IKZF1: variants seen among roughly 807,000 people sequenced by gnomAD.
IKZF1 encodes the protein IKAROS family zinc finger 1, also known as DNA-binding protein Ikaros.
IKZF1 carries 10 observed loss-of-function variants against 51.7 expected under a neutral mutation model. The observed-to-expected ratio is 0.19, with a 90% CI of 0.12 to 0.33. IKZF1 has a LOEUF of 0.33. Among genes scored for constraint, IKZF1 ranks in the 10% least tolerant of loss-of-function variants. IKZF1 has a pLI of 1.00. For missense variants in IKZF1, 484 were observed against 707.5 expected, an observed-to-expected ratio of 0.68 and a Z score of 3.58; for synonymous variants, 280 against 282.3, an observed-to-expected ratio of 0.99 and a Z score of 0.08.
chr7:50,351,126 A>G (rs916380389), intron 3 of IKZF1, among the ~76,000 whole-genome samples: 3 of 152,194 alleles, frequency 2.0e-5, no homozygotes, highest in Non-Finnish European at 4.4e-5. Context: ...AACATTTACC[A>G]CATCTCAATT....
intron 3 of IKZF1, among the ~76,000 whole-genome samples, chr7:50,330,634 G>A (rs1490127054): frequency 1.3e-5 from 2 of 152,174 alleles, no homozygotes; most frequent in Non-Finnish European, 2.9e-5. Context: ...TGTGGTGACA[G>A]GCTGTTCATT....
At chr7:50,306,836 G>A (rs1195417589) in intron 1 of IKZF1, among the ~76,000 whole-genome samples, 4 of 152,156 alleles carry the variant, frequency 2.6e-5, no homozygotes, top group South Asian at 2.1e-4. Context: ...TGTTTCATGC[G>A]TGGTTAATAT....
chr7:50,387,453 C>G lies in IKZF1; in HGVS notation c.698C>G (p.Pro233Arg). Residue 233 changes from proline (P) to arginine (R), a missense_variant, in exon 6 of 8, where the codon CCG becomes CGG. By Grantham distance (103) the Pro-to-Arg change is moderately radical. Around this residue, in one of 6 missense-constraint regions of IKZF1, gnomAD observed 172 missense variants for 192.7 expected, o/e 0.89. Transcript: ENST00000331340. ...CHNYLESMGL[P>R]GTLYPVIKEE... ...AACTACTTGGAAAGCATGGGCCTTCCGGGCACACTGTACCCAGGTAAGCGC... is the reference window on the plus strand; with the variant it reads ...AACTACTTGGAAAGCATGGGCCTTCGGGGCACACTGTACCCAGGTAAGCGC... 6.2e-7 allele frequency: 1 copy of G among 1,611,140 alleles called. No homozygotes were observed. The highest frequency in any genetic ancestry group is 1.1e-5 in the South Asian group (1 of 90,546).
chr7:50,348,569 G>A (rs553209679), intron 3 of IKZF1, among the ~76,000 whole-genome samples: 2 of 152,164 alleles, frequency 1.3e-5, no homozygotes, highest in Non-Finnish European at 2.9e-5. Context: ...ATCCACAGCC[G>A]CAGCAGAGGC....
chr7:50,376,022 C>G lies in IKZF1; in HGVS notation c.161-511C>G, dbSNP rs143243161. On this transcript the variant is annotated intron_variant, in intron 3 of 7. Coordinates refer to ENST00000331340, the MANE Select transcript of IKZF1 (RefSeq NM_006060.6). This position sits in a 1 kb window ranked among gnomAD's most constrained non-coding sequence, Gnocchi z 4.5. ...AAAGTTTATTAATGTTTACATGCCA[C>G]AAGGAAAGGTAGCATCACAATAAGA... Among the ~76,000 whole-genome samples the G allele has an allele frequency of 9.8e-5, 15 of 152,290 alleles. No individual in the cohort carries two copies. The highest frequency in any genetic ancestry group is 3.4e-4 in the African/African-American group (14 of 41,562).
At chr7:50,367,004 A>G (rs1371544612) in intron 3 of IKZF1, among the ~76,000 whole-genome samples, 4 of 152,196 alleles carry the variant, frequency 2.6e-5, no homozygotes, top group Non-Finnish European at 5.9e-5. Flanking sequence ...ATTTGCTAGG[A>G]AATAATTCAG....
At chr7:50,342,180 A>G (rs943098400) in intron 3 of IKZF1, among the ~76,000 whole-genome samples, 2 of 152,232 alleles carry the variant, frequency 1.3e-5, no homozygotes, top group Non-Finnish European at 2.9e-5. Flanking sequence ...GTCCAGTCCA[A>G]TTTTAACATC....
At chr7:50,362,608 T>G (rs1367993637) in intron 3 of IKZF1, among the ~76,000 whole-genome samples, 2 of 152,228 alleles carry the variant, frequency 1.3e-5, no homozygotes, top group Non-Finnish European at 2.9e-5. Context: ...TTTTTTGTTT[T>G]AAAGCATTTT....
At chr7:50,307,766 C>T (rs1011421207) in intron 1 of IKZF1, among the ~76,000 whole-genome samples, 1 of 152,066 alleles carries the variant, frequency 6.6e-6, no homozygotes, top group East Asian at 1.9e-4. Flanking sequence ...GTCTTAGAAA[C>T]GTAGAGTTTC....
At chr7:50,349,744 C>T (rs1015967716) in intron 3 of IKZF1, among the ~76,000 whole-genome samples, 7 of 152,100 alleles carry the variant, frequency 4.6e-5, no homozygotes, top group Admixed American at 1.3e-4. Flanking sequence ...TAGCTGGAAC[C>T]ATTTATTCTA....
intron 3 of IKZF1, among the ~76,000 whole-genome samples, chr7:50,365,619 A>G (rs1220305975): frequency 6.6e-6 from 1 of 152,246 alleles, no homozygotes; most frequent in African/African-American, 2.4e-5. Context: ...TTATTAATAA[A>G]AAGTCAAAGA....
chr7:50,324,948 AGG>A (rs955103919), intron 2 of IKZF1, among the ~76,000 whole-genome samples: 1 of 152,132 alleles, frequency 6.6e-6, no homozygotes, highest in Admixed American at 6.5e-5. Context: ...GAAAAGCTAT[AGG>A]AGGAAAAGAG....
chr7:50,345,140 G>C (rs1422355054), intron 3 of IKZF1, among the ~76,000 whole-genome samples: 1 of 151,668 alleles, frequency 6.6e-6, no homozygotes, highest in Non-Finnish European at 1.5e-5. Context: ...CAGCCCATAG[G>C]GTATAAATAA....
intron 1 of IKZF1, among the ~76,000 whole-genome samples, chr7:50,308,191 A>G (rs189087893): frequency 2.0e-5 from 3 of 152,348 alleles, no homozygotes; most frequent in Admixed American, 2.0e-4. Context: ...AAGCAAAAGA[A>G]GGTTTGCAGA....
Position 50,319,072 on chromosome 7 carries a change from A to T in IKZF1, c.11A>T (p.Asp4Val). The T allele has an allele frequency of 5.0e-6, 8 of 1,613,600 alleles. No individual in the cohort carries two copies. The highest frequency in any genetic ancestry group is 6.8e-6 in the Non-Finnish European group (8 of 1,179,532). The part of the protein sequence containing the change: MDA[D>V]EGQDMSQVSG... ...GATAACCTGAGGACCATGGATGCTG[A>T]TGAGGGTCAAGACATGTCCCAAGTT... Residue 4 changes from aspartate (D) to valine (V), a missense_variant, in exon 2 of 8, where the codon GAT (aspartate) becomes GTT (valine). Around this residue, in one of 6 missense-constraint regions of IKZF1, gnomAD observed 118 missense variants for 138.4 expected, o/e 0.85. Transcript: ENST00000331340.
intron 1 of IKZF1, among the ~76,000 whole-genome samples, chr7:50,310,199 C>T (rs781123339): frequency 2.6e-5 from 4 of 152,238 alleles, no homozygotes; most frequent in Admixed American, 2.0e-4. Flanking sequence ...AGTGTTTTCC[C>T]GCTTTAGTAT....
intron 3 of IKZF1, among the ~76,000 whole-genome samples, chr7:50,372,110 T>C (rs1241246642): frequency 6.6e-6 from 1 of 152,238 alleles, no homozygotes; most frequent in African/African-American, 2.4e-5. Context: ...CTGATTTCTG[T>C]CATCTATGAA....
Position 50,400,639 on chromosome 7 carries a change from GC to G in IKZF1, c.*17del. Reference sequence around the variant, plus strand: ...TCCACATGAGCTAAAGCCCTCCCGCGCCCCCACCCCAGACCCCGAGCCACCC... The same window carrying G: ...TCCACATGAGCTAAAGCCCTCCCGCGCCCCACCCCAGACCCCGAGCCACCC... On this transcript the variant is annotated 3_prime_UTR_variant, in exon 8 of 8. Coordinates refer to ENST00000331340, the MANE Select transcript of IKZF1 (RefSeq NM_006060.6). This position sits in a 1 kb window ranked among gnomAD's most constrained non-coding sequence, Gnocchi z 5.4. 6.3e-7 allele frequency: 1 copy of G among 1,598,242 alleles called. No individual in the cohort carries two copies.
intron 3 of IKZF1, among the ~76,000 whole-genome samples, chr7:50,347,763 C>T (rs1351477729): frequency 6.6e-6 from 1 of 152,176 alleles, no homozygotes; most frequent in Non-Finnish European, 1.5e-5. Flanking sequence ...CACATGATTC[C>T]ACAAGTCACT....
Sources: allele counts gnomAD v4.1 joint callset (sites outside exome capture counted in the v4.1 genomes callset), GRCh38; gene constraint gnomAD v4.1.1; regional missense constraint gnomAD v4.1.1; non-coding constraint Gnocchi (gnomAD v3.1); transcripts MANE v1.5; gene names NCBI Gene and HGNC (gene_info 2026-07-23, HGNC 2026-07-21).